The following MACROD2 variants were observed in gnomAD, a reference collection of about 807,000 sequenced individuals.
The protein encoded by MACROD2 is ADP-ribose glycohydrolase MACROD2.
Under a neutral mutation model 70.4 loss-of-function variants are expected in MACROD2, and 36 were observed. The ratio of observed to expected loss-of-function variants is 0.51; its 90% CI spans 0.39 to 0.68. The LOEUF is 0.68. Ranked by LOEUF, MACROD2 falls within the 30% of genes least tolerant of loss-of-function variation. MACROD2 has a pLI of 0.00. For synonymous variants in MACROD2, 172 were observed against 178.8 expected (o/e 0.96, Z 0.30); for missense variants, 496 against 538.4 (o/e 0.92, Z 0.78).
At chr20:14,116,691 A>G (rs1304792028) in intron 3 of MACROD2, among the ~76,000 whole-genome samples, 2 of 152,108 alleles carry the variant, frequency 1.3e-5, no homozygotes, top group East Asian at 1.9e-4. Context: ...ATGCATTTAT[A>G]TACTTTTTTG....
intron 3 of MACROD2, among the ~76,000 whole-genome samples, chr20:14,410,063 G>A (rs2083733365): frequency 6.6e-6 from 1 of 152,064 alleles, no homozygotes; most frequent in Non-Finnish European, 1.5e-5. Flanking sequence ...AGAAGTGTTG[G>A]GGAGTTGAAA....
intron 5 of MACROD2, among the ~76,000 whole-genome samples, chr20:15,162,081 AG>A (rs2076352429): frequency 6.6e-6 from 1 of 152,110 alleles, no homozygotes; most frequent in African/African-American, 2.4e-5. Context: ...TAACAGTAGA[AG>A]GGACTAAATA....
chr20:14,200,632 T>A (rs2081471834), intron 3 of MACROD2, among the ~76,000 whole-genome samples: 1 of 152,240 alleles, frequency 6.6e-6, no homozygotes, highest in African/African-American at 2.4e-5. Context: ...TTTAAAAAAA[T>A]TTAAGGCTGT....
intron 5 of MACROD2, among the ~76,000 whole-genome samples, chr20:15,026,377 TATC>T (rs2075231823): frequency 1.3e-5 from 2 of 152,134 alleles, no homozygotes; most frequent in African/African-American, 2.4e-5. Context: ...GGTATTCTCT[TATC>T]ATAGATTTCC....
At chr20:15,772,061 A>G (rs1229287233) in intron 8 of MACROD2, among the ~76,000 whole-genome samples, 1 of 134,720 alleles carries the variant, frequency 7.4e-6, no homozygotes, top group Non-Finnish European at 1.5e-5. Context: ...CTCCAGCCTG[A>G]GCGACAAAGT....
intron 4 of MACROD2, among the ~76,000 whole-genome samples, chr20:14,534,798 C>T (rs1328906217): frequency 1.3e-5 from 2 of 151,862 alleles, no homozygotes; most frequent in African/African-American, 4.8e-5. Flanking sequence ...TCCTTGGAGA[C>T]AGAGTCTAAA....
intron 3 of MACROD2, among the ~76,000 whole-genome samples, chr20:14,145,670 A>G (rs1415833738): frequency 6.6e-6 from 1 of 152,206 alleles, no homozygotes; most frequent in Admixed American, 6.5e-5. Flanking sequence ...TTGCTTCAAT[A>G]GTTGAATAAT....
At chr20:14,478,024 C>G in intron 3 of MACROD2, among the ~76,000 whole-genome samples, 1 of 152,044 alleles carries the variant, frequency 6.6e-6, no homozygotes, top group East Asian at 1.9e-4. Flanking sequence ...GGTAGGTACC[C>G]TAGAAAGCAG....
intron 5 of MACROD2, among the ~76,000 whole-genome samples, chr20:15,175,570 A>G (rs1454610723): frequency 1.3e-5 from 2 of 152,242 alleles, no homozygotes; most frequent in Non-Finnish European, 2.9e-5. Context: ...TGCTAATGGT[A>G]GACTTAGTCA....
intron 5 of MACROD2, among the ~76,000 whole-genome samples, chr20:15,162,319 A>G (rs1747659253): frequency 6.6e-6 from 1 of 152,064 alleles, no homozygotes; most frequent in Non-Finnish European, 1.5e-5. Flanking sequence ...ATTAATAGCC[A>G]TAAGAGAAAA....
intron 5 of MACROD2, among the ~76,000 whole-genome samples, chr20:14,778,187 CGA>C (rs1232926823): frequency 6.6e-6 from 1 of 152,054 alleles, no homozygotes; most frequent in Non-Finnish European, 1.5e-5. Context: ...CTTCATGTTG[CGA>C]GAGAGAAGTA....
At chr20:15,288,600 G>A (rs1425499153) in intron 6 of MACROD2, among the ~76,000 whole-genome samples, 3 of 152,116 alleles carry the variant, frequency 2.0e-5, no homozygotes, top group African/African-American at 7.2e-5. Context: ...AGGTGAATTT[G>A]CTCCTTTTTC....
chr20:14,367,904 T>C (rs903578297), intron 3 of MACROD2, among the ~76,000 whole-genome samples: 1 of 152,192 alleles, frequency 6.6e-6, no homozygotes, highest in South Asian at 2.1e-4. Flanking sequence ...GACATATATG[T>C]TGGTGTGCTT....
chr20:14,558,462 C>A (rs1979200721), intron 4 of MACROD2, among the ~76,000 whole-genome samples: 1 of 151,414 alleles, frequency 6.6e-6, no homozygotes, highest in Non-Finnish European at 1.5e-5. Context: ...GCTTCAAATA[C>A]AACAATATAG....
At chr20:14,261,663 T>C (rs2082102039) in intron 3 of MACROD2, among the ~76,000 whole-genome samples, 1 of 152,220 alleles carries the variant, frequency 6.6e-6, no homozygotes. Context: ...ACGTTATATA[T>C]GCAAATGATT....
intron 5 of MACROD2, among the ~76,000 whole-genome samples, chr20:14,887,864 A>T (rs1600770770): frequency 5.4e-5 from 2 of 37,214 alleles, no homozygotes; most frequent in Admixed American, 2.0e-4. Context: ...GAAAAGCATT[A>T]AAAAAAAAAA....
intron 4 of MACROD2, among the ~76,000 whole-genome samples, chr20:14,639,034 T>C (rs1395473475): frequency 6.6e-6 from 1 of 152,118 alleles, no homozygotes; most frequent in Non-Finnish European, 1.5e-5. Context: ...ATTGTGATGG[T>C]AAAATAATAC....
intron 5 of MACROD2, among the ~76,000 whole-genome samples, chr20:15,167,626 A>G (rs915518502): frequency 6.6e-6 from 1 of 152,134 alleles, no homozygotes; most frequent in Non-Finnish European, 1.5e-5. Context: ...CTGAAATTCT[A>G]TATCAAAGGT....
chr20:15,583,608 T>G (rs528149626), intron 8 of MACROD2, among the ~76,000 whole-genome samples: 24 of 152,274 alleles, frequency 1.6e-4, no homozygotes, highest in African/African-American at 5.8e-4. Flanking sequence ...GTGTTCTGTT[T>G]GCATCCTTCA....
Sources: gnomAD v4.1 joint callset for allele counts (sites outside exome capture counted in the v4.1 genomes callset) on GRCh38, gnomAD v4.1.1 for gene constraint, MANE v1.5 for transcripts, NCBI Gene and HGNC (gene_info 2026-07-23, HGNC 2026-07-21) for gene names.